MAF: variants seen among roughly 807,000 people sequenced by gnomAD.
The protein encoded by MAF is transcription factor Maf.
A neutral mutation model predicts 22.0 loss-of-function variants in MAF; 10 were observed. The ratio of observed to expected loss-of-function variants is 0.45; its 90% confidence interval spans 0.28 to 0.77. MAF has a LOEUF of 0.77. Among genes scored for constraint, MAF ranks in the 30% least tolerant of loss-of-function variants. The pLI is 0.12. For synonymous variants in MAF, 337 were observed against 255.8 expected (o/e 1.32, Z -3.03); for missense variants, 544 against 548.4 (o/e 0.99, Z 0.08).
chr16:79,346,354 A>T, the MAF span, among the ~76,000 whole-genome samples: 144 of 151,960 alleles, frequency 9.5e-4, 1 homozygote, highest in East Asian at 0.026. Flanking sequence ...AAGGACAGGA[A>T]CTCATCCTTT....
the MAF span, among the ~76,000 whole-genome samples, chr16:79,269,457 G>A: frequency 8.5e-3 from 1,295 of 152,180 alleles, 15 homozygotes; most frequent in African/African-American, 0.029. Context: ...GGAGGTATGG[G>A]TGGGTGTGGA....
the MAF span, among the ~76,000 whole-genome samples, chr16:79,489,572 G>C: frequency 1.3e-5 from 2 of 152,212 alleles, no homozygotes; most frequent in African/African-American, 4.8e-5. Context: ...CAGTCTAAGT[G>C]ATCAGGGAAG....
chr16:79,520,324 T>C, the MAF span, among the ~76,000 whole-genome samples: 1 of 152,136 alleles, frequency 6.6e-6, no homozygotes, highest in African/African-American at 2.4e-5. Flanking sequence ...CTTCAGTGTC[T>C]GGCCCTGCTT....
chr16:79,598,796 G>T lies in MAF; in HGVS notation c.1107C>A (p.Pro369=), dbSNP rs1913762298. The change falls in exon 1 of 2, where the codon CCC becomes CCA. Residue 369 remains proline, a synonymous_variant. Transcript: ENST00000326043. ...CGTGTCAGACTCACATGAAAAACTCGGGAGAGGACGGGTTGTCGCTGCTCG... is the reference window on the plus strand; with the variant it reads ...CGTGTCAGACTCACATGAAAAACTCTGGAGAGGACGGGTTGTCGCTGCTCG... The part of the protein sequence containing the change: ...NGSSSDNPSS[P]EFFITEPTRK... 2 of 1,613,862 alleles carry T rather than the reference G, an allele frequency of 1.2e-6. No homozygotes were observed. Among genetic ancestry groups the T allele is most frequent in the Non-Finnish European group, 1.7e-6 (2 of 1,179,988 alleles).
At chr16:79,570,813 G>C in the MAF span, among the ~76,000 whole-genome samples, 1 of 152,214 alleles carries the variant, frequency 6.6e-6, no homozygotes, top group Non-Finnish European at 1.5e-5. Context: ...ACTACTGACA[G>C]TCAATCCAGC....
Position 79,599,970 on chromosome 16 carries a change from CTGTGCTGGGTGGCCAGCGGGT to C in MAF, c.-89_-69del. 1 of 1,592,462 alleles carries C rather than the reference CTGTGCTGGGTGGCCAGCGGGT, an allele frequency of 6.3e-7. No individual in the cohort carries two copies. Among genetic ancestry groups the C allele is most frequent in the Non-Finnish European group, 8.5e-7 (1 of 1,176,294 alleles). ...GGGCTGCAGGAGAGGGGCCAGCGGG[CTGTGCTGGGTGGCCAGCGGGT>C]GAGCCAGCTTGCCGGGCTGGGGCGC... On this transcript the variant is annotated 5_prime_UTR_variant, in exon 1 of 2. Coordinates refer to ENST00000326043, the MANE Select transcript of MAF (RefSeq NM_005360.5).
the MAF span, among the ~76,000 whole-genome samples, chr16:79,232,786 T>C: frequency 6.6e-6 from 1 of 151,698 alleles, no homozygotes; most frequent in Middle Eastern, 3.4e-3. Flanking sequence ...CCTGAAATAA[T>C]GGCCCAGTTT....
the MAF span, among the ~76,000 whole-genome samples, chr16:79,415,450 G>T: frequency 6.6e-6 from 1 of 152,134 alleles, no homozygotes; most frequent in East Asian, 1.9e-4. Flanking sequence ...CAGGACTCTA[G>T]CCATTGAAAA....
the MAF span, among the ~76,000 whole-genome samples, chr16:79,348,838 C>A: frequency 1.3e-5 from 2 of 152,324 alleles, no homozygotes; most frequent in African/African-American, 4.8e-5. Context: ...ATATTCTGAT[C>A]CATTCTCGAG....
chr16:79,487,868 G>T, the MAF span, among the ~76,000 whole-genome samples: 1 of 152,200 alleles, frequency 6.6e-6, no homozygotes, highest in Non-Finnish European at 1.5e-5. Flanking sequence ...TTTCATCTCT[G>T]CGTATGGATG....
chr16:79,501,500 G>C, the MAF span, among the ~76,000 whole-genome samples: 2 of 152,140 alleles, frequency 1.3e-5, no homozygotes, highest in African/African-American at 4.8e-5. Flanking sequence ...TAATCTAGCA[G>C]AAGTCTTTAT....
the MAF span, among the ~76,000 whole-genome samples, chr16:79,351,328 G>A: frequency 6.6e-6 from 1 of 152,154 alleles, no homozygotes; most frequent in Non-Finnish European, 1.5e-5. Context: ...AAGTGGGAAA[G>A]GCCTCCTGCT....
the MAF span, among the ~76,000 whole-genome samples, chr16:79,259,934 G>C: frequency 2.6e-5 from 4 of 152,292 alleles, no homozygotes; most frequent in Middle Eastern, 6.8e-3. Flanking sequence ...AGGCATATGT[G>C]GGAAGGGCAG....
At chr16:79,207,103 G>A in the MAF span, among the ~76,000 whole-genome samples, 1 of 152,190 alleles carries the variant, frequency 6.6e-6, no homozygotes, top group African/African-American at 2.4e-5. Context: ...GAAAGACAGG[G>A]CGTGTAGACG....
the MAF span, among the ~76,000 whole-genome samples, chr16:79,578,535 A>G: frequency 2.0e-5 from 3 of 152,314 alleles, no homozygotes; most frequent in African/African-American, 7.2e-5. Flanking sequence ...TCATATTAAC[A>G]GGATAATATT....
chr16:79,393,746 T>C, the MAF span, among the ~76,000 whole-genome samples: 1 of 152,116 alleles, frequency 6.6e-6, no homozygotes, highest in Non-Finnish European at 1.5e-5. Context: ...GCCTCTGAAC[T>C]TGGACATTAA....
At chr16:79,211,887 C>T in the MAF span, 26 of 1,577,742 alleles carry the variant, frequency 1.6e-5, no homozygotes, top group African/African-American at 2.8e-4. Flanking sequence ...AATGTCCCTC[C>T]AACACAGATC....
intron 1 of MAF, chr16:79,596,754 T>C (rs1597843980): frequency 2.9e-6 from 3 of 1,045,678 alleles, no homozygotes; most frequent in East Asian, 5.7e-5. Flanking sequence ...CTGTGGATTT[T>C]TTTTTAAGTT....
Position 79,599,320 on chromosome 16 carries a change from GGTGGTGGTGGTGGCCGGCGGC to G in MAF, c.562_582del (p.Ala188_His194del), listed in dbSNP as rs899240898. The G allele has an allele frequency of 2.4e-5, 24 of 984,306 alleles. No individual in the cohort carries two copies. In the South Asian group the frequency reaches 2.7e-4, roughly 11 times the overall value. 61.0% of individuals were successfully genotyped at this position (984,306 alleles called of 1,614,324 possible). A position where few individuals can be genotyped will look rare whatever the true frequency, so the allele number is the denominator to read the frequency against. On this transcript the variant is annotated inframe_deletion, in exon 1 of 2. Transcript: ENST00000326043. Reference sequence around the variant, plus strand: ...GCGGCGCCGGGCGCGCCGGCCGTCGGGTGGTGGTGGTGGCCGGCGGCGTGGTGGTGGTGGTGGTGGTAGTGC... The same window carrying G: ...GCGGCGCCGGGCGCGCCGGCCGTCGGGTGGTGGTGGTGGTGGTGGTAGTGC...
Sources: gnomAD v4.1 joint callset for allele counts (sites outside exome capture counted in the v4.1 genomes callset) on GRCh38, gnomAD v4.1.1 for gene constraint, MANE v1.5 for transcripts, NCBI Gene and HGNC (gene_info 2026-07-23, HGNC 2026-07-21) for gene names.